Variants in LIMS1 observed in about 807,000 individuals in gnomAD.
The protein encoded by LIMS1 is LIM zinc finger domain containing 1.
LIMS1 carries 18 observed loss-of-function variants against 44.1 expected under a neutral mutation model. The observed-to-expected ratio is 0.41, with a 90% CI of 0.28 to 0.61. The LOEUF (loss-of-function observed/expected upper bound fraction) is 0.61, where lower values mean the gene tolerates loss of function less well. Among genes scored for constraint, LIMS1 ranks in the 20% least tolerant of loss-of-function variants. The pLI is 0.32. For synonymous variants in LIMS1, 93 were observed against 149.1 expected (o/e 0.62, Z 2.74); for missense variants, 201 against 422.0 (o/e 0.48, Z 4.59).
chr2:108,682,364 G>C (rs369799032), intron 9 of LIMS1, among the ~76,000 whole-genome samples: 12 of 152,152 alleles, frequency 7.9e-5, no homozygotes, highest in East Asian at 3.9e-4. Flanking sequence ...GCCAGGCATG[G>C]TGGCGGGTGC....
chr2:108,590,921 G>C (rs890336798), intron 1 of LIMS1, among the ~76,000 whole-genome samples: 2 of 152,188 alleles, frequency 1.3e-5, no homozygotes, highest in African/African-American at 4.8e-5. Flanking sequence ...CCAGTGCCCA[G>C]AGCAGTAAGT....
intron 1 of LIMS1, among the ~76,000 whole-genome samples, chr2:108,603,285 C>CT (rs1687107390): frequency 6.6e-6 from 1 of 152,026 alleles, no homozygotes. Context: ...TACTGGGAGA[C>CT]TTTTTATTAT....
At chr2:108,654,116 A>G (rs566419718) in intron 1 of LIMS1, among the ~76,000 whole-genome samples, 3 of 151,800 alleles carry the variant, frequency 2.0e-5, no homozygotes, top group African/African-American at 4.8e-5. Flanking sequence ...CTTTGTAGCT[A>G]TCTTATTTAG....
intron 1 of LIMS1, among the ~76,000 whole-genome samples, chr2:108,566,458 AG>A (rs998597808): frequency 2.0e-5 from 3 of 152,202 alleles, no homozygotes; most frequent in African/African-American, 4.8e-5. Flanking sequence ...TGATTCTCAG[AG>A]GGTAAATTGC....
intron 1 of LIMS1, among the ~76,000 whole-genome samples, chr2:108,561,169 T>C (rs1192351627): frequency 1.4e-4 from 22 of 152,372 alleles, no homozygotes; most frequent in Non-Finnish European, 2.9e-5. Flanking sequence ...TCTGTGGGTA[T>C]TTTGTTTGAG....
chr2:108,555,906 A>G (rs938429127), intron 1 of LIMS1, among the ~76,000 whole-genome samples: 3 of 152,122 alleles, frequency 2.0e-5, no homozygotes, highest in Non-Finnish European at 4.4e-5. Context: ...ATCCTAATGA[A>G]ATAGTGGAGG....
At chr2:108,548,135 T>C (rs754801301) in intron 1 of LIMS1, among the ~76,000 whole-genome samples, 3 of 152,190 alleles carry the variant, frequency 2.0e-5, no homozygotes, top group Non-Finnish European at 4.4e-5. Context: ...TGACTGAGGA[T>C]AATGATGAAA....
chr2:108,668,846 A>G (rs1200261019), intron 2 of LIMS1, among the ~76,000 whole-genome samples: 2 of 152,240 alleles, frequency 1.3e-5, no homozygotes, highest in East Asian at 3.8e-4. Flanking sequence ...CTTCATAAAT[A>G]CTTGTACTTT....
chr2:108,668,197 C>G (rs578110779), intron 2 of LIMS1, among the ~76,000 whole-genome samples: 1 of 152,068 alleles, frequency 6.6e-6, no homozygotes, highest in East Asian at 1.9e-4. Context: ...ATTTCTTTGT[C>G]GTAAGAACAT....
chr2:108,582,777 A>G (rs897725960), intron 1 of LIMS1, among the ~76,000 whole-genome samples: 1 of 152,184 alleles, frequency 6.6e-6, no homozygotes, highest in Non-Finnish European at 1.5e-5. Flanking sequence ...TTGTCTCAAA[A>G]TAAAAATAAA....
At chr2:108,657,343 G>A (rs867331670) in intron 1 of LIMS1, among the ~76,000 whole-genome samples, 1 of 152,272 alleles carries the variant, frequency 6.6e-6, no homozygotes, top group Non-Finnish European at 1.5e-5. Flanking sequence ...GTTGAGGTTT[G>A]GTGAATCTTT....
chr2:108,557,838 A>C lies in LIMS1; in HGVS notation c.32+23244A>C, dbSNP rs114810982. Among the ~76,000 whole-genome samples the C allele has an allele frequency of 5.0e-3, 766 of 152,308 alleles. 6 individuals carry two copies. The highest frequency in any genetic ancestry group is 0.017 in the African/African-American group (727 of 41,558). On this transcript the variant is annotated intron_variant, in intron 1 of 9. Transcript: ENST00000544547. Reference sequence around the variant, plus strand: ...GTTGGAATTTTCTGTAAAGTTTCAAAGATTTAAGTGAACATGATTCTTGAA... The same window carrying C: ...GTTGGAATTTTCTGTAAAGTTTCAACGATTTAAGTGAACATGATTCTTGAA...
intron 1 of LIMS1, among the ~76,000 whole-genome samples, chr2:108,617,479 A>AT (rs1333100757): frequency 2.0e-5 from 3 of 152,198 alleles, no homozygotes; most frequent in African/African-American, 7.2e-5. Context: ...TTTAGGTAAC[A>AT]TTGAGTGTTA....
intron 1 of LIMS1, among the ~76,000 whole-genome samples, chr2:108,556,122 A>G (rs983618078): frequency 2.0e-5 from 3 of 152,114 alleles, no homozygotes; most frequent in East Asian, 1.9e-4. Flanking sequence ...CCCAGCCCCT[A>G]GTAACTTCTG....
chr2:108,650,413 CTTTTTTTTT>C (rs113015874), intron 1 of LIMS1, among the ~76,000 whole-genome samples: 2,727 of 145,200 alleles, frequency 0.019, 49 homozygotes, highest in African/African-American at 0.041. Context: ...CTTTTCTTTT[CTTTTTTTTT>C]TTTTTTTCTT....
rs1464779922 is a variant in LIMS1, at chr2:108,534,384, G to A, written c.-179G>A. 3.6e-5 allele frequency: 9 copies of A among 252,604 alleles called. No individual in the cohort carries two copies. In the East Asian group the frequency reaches 6.5e-4, roughly 18 times the overall value. 15.6% of individuals were successfully genotyped at this position (252,604 alleles called of 1,614,324 possible). Reference sequence around the variant, plus strand: ...GCTCCCGCCCCTCCCCCGCCTTCCCGCGCGGCCCGCCTCGCCTTCCCCCCC... The same window carrying A: ...GCTCCCGCCCCTCCCCCGCCTTCCCACGCGGCCCGCCTCGCCTTCCCCCCC... On this transcript the variant is annotated 5_prime_UTR_variant, in exon 1 of 10. Coordinates refer to ENST00000544547, the Ensembl canonical transcript of LIMS1.
chr2:108,682,495 G>A (rs1028601936), intron 9 of LIMS1, among the ~76,000 whole-genome samples: 1 of 151,624 alleles, frequency 6.6e-6, no homozygotes, highest in Non-Finnish European at 1.5e-5. Context: ...GTGAGACTCT[G>A]TCTCAAAAAA....
At chr2:108,628,085 G>A (rs1317389207) in intron 1 of LIMS1, among the ~76,000 whole-genome samples, 1 of 152,240 alleles carries the variant, frequency 6.6e-6, no homozygotes, top group Non-Finnish European at 1.5e-5. Context: ...GCAGTGCTGA[G>A]TGTTCTTGAC....
chr2:108,611,994 T>TATACACATATATAAAA (rs1558809114), intron 1 of LIMS1, among the ~76,000 whole-genome samples: 5 of 141,298 alleles, frequency 3.5e-5, no homozygotes, highest in East Asian at 2.0e-4. Context: ...TATACATATA[T>TATACACATATATAAAA]TATATATACA....
Sources: gnomAD v4.1 joint callset for allele counts (sites outside exome capture counted in the v4.1 genomes callset) on GRCh38, gnomAD v4.1.1 for gene constraint, MANE v1.5 for transcripts, NCBI Gene and HGNC (gene_info 2026-07-23, HGNC 2026-07-21) for gene names.